The following SND1 variants were observed in gnomAD, a reference collection of about 807,000 sequenced individuals.
The protein encoded by SND1 is staphylococcal nuclease domain-containing protein 1.
SND1 carries 38 observed loss-of-function variants against 121.7 expected under a neutral mutation model. The observed-to-expected ratio is 0.31, with a 90% CI of 0.24 to 0.41. The LOEUF is 0.41. Ranked by LOEUF, SND1 falls within the 10% of genes least tolerant of loss-of-function variation. The pLI is 1.00. For missense variants in SND1, 868 were observed against 1,184.6 expected, an observed-to-expected ratio of 0.73 and a Z score of 3.92; for synonymous variants, 401 against 447.4, an observed-to-expected ratio of 0.90 and a Z score of 1.31.
chr7:127,797,188 C>T (rs923574861), intron 10 of SND1, among the ~76,000 whole-genome samples: 2 of 152,066 alleles, frequency 1.3e-5, no homozygotes, highest in African/African-American at 2.4e-5. Flanking sequence ...CCGCTGTGCC[C>T]GGGCTATTTT....
intron 10 of SND1, among the ~76,000 whole-genome samples, chr7:127,781,068 A>G (rs1038546195): frequency 1.7e-4 from 26 of 152,204 alleles, no homozygotes; most frequent in Non-Finnish European, 2.8e-4. Context: ...ATATATGGGA[A>G]CATATTTCTG....
rs746168687 is a variant in SND1 at position 128,074,485 on chromosome 7, C to T, written c.1780-17C>T. 2.5e-6 allele frequency: 4 copies of T among 1,603,198 alleles called. No homozygotes were observed. In the Admixed American group the frequency reaches 5.0e-5, roughly 20 times the overall value. On this transcript the variant is annotated splice_polypyrimidine_tract_variant and intron_variant, in intron 16 of 23. Coordinates refer to ENST00000354725, the MANE Select transcript of SND1 (RefSeq NM_014390.4). ...AGGCCTGGCCCCCACAGGCTTACGC[C>T]TGTCTCTCTGTCCCAGGTGGAGGTG...
At chr7:127,719,564 T>C (rs911044542) in intron 9 of SND1, among the ~76,000 whole-genome samples, 2 of 152,202 alleles carry the variant, frequency 1.3e-5, no homozygotes, top group Non-Finnish European at 2.9e-5. Flanking sequence ...TGGGTTTTAG[T>C]GTTTAGCCTA....
At chr7:127,907,057 G>A (rs2116770038) in intron 14 of SND1, among the ~76,000 whole-genome samples, 2 of 152,224 alleles carry the variant, frequency 1.3e-5, no homozygotes, top group Middle Eastern at 6.8e-3. Flanking sequence ...ATTTCTCTCA[G>A]TCACCACATA....
chr7:127,800,466 T>C (rs1267385890), intron 10 of SND1, among the ~76,000 whole-genome samples: 1 of 152,192 alleles, frequency 6.6e-6, no homozygotes, highest in Non-Finnish European at 1.5e-5. Context: ...GTATCCTTTT[T>C]TTGAGGAAAT....
At chr7:127,842,625 A>G (rs1229998195) in intron 11 of SND1, among the ~76,000 whole-genome samples, 2 of 152,142 alleles carry the variant, frequency 1.3e-5, no homozygotes, top group Non-Finnish European at 2.9e-5. Context: ...TGTGAAACCA[A>G]TTCCAAGCAT....
chr7:127,699,916 T>C (rs1003041993), intron 4 of SND1, among the ~76,000 whole-genome samples: 3 of 152,206 alleles, frequency 2.0e-5, no homozygotes, highest in African/African-American at 7.2e-5. Flanking sequence ...TTCACAGACA[T>C]AGGGGCCAGG....
At chr7:127,863,740 G>T (rs868324243) in intron 12 of SND1, among the ~76,000 whole-genome samples, 2 of 152,122 alleles carry the variant, frequency 1.3e-5, no homozygotes, top group Non-Finnish European at 2.9e-5. Flanking sequence ...TCTTCAAAGG[G>T]CCAGATGGTA....
intron 15 of SND1, among the ~76,000 whole-genome samples, chr7:127,975,424 CGTGTGTGTGT>C (rs66757341): frequency 0.39 from 56,965 of 147,420 alleles, 11,164 homozygotes; most frequent in African/African-American, 0.43. Context: ...TGACTCCCCT[CGTGTGTGTGT>C]GTGTGTGTGT....
chr7:127,741,973 G>C (rs2116436242), intron 10 of SND1, among the ~76,000 whole-genome samples: 1 of 152,248 alleles, frequency 6.6e-6, no homozygotes, highest in East Asian at 1.9e-4. Context: ...AGGTTGGACA[G>C]TTTCCCAGAA....
intron 15 of SND1, among the ~76,000 whole-genome samples, chr7:127,986,312 T>C (rs931448564): frequency 2.0e-5 from 3 of 152,250 alleles, no homozygotes; most frequent in South Asian, 2.1e-4. Context: ...AATAGAATGA[T>C]TGCTCCATAG....
At chr7:128,077,857 A>G (rs978080422) in intron 17 of SND1, among the ~76,000 whole-genome samples, 1 of 152,260 alleles carries the variant, frequency 6.6e-6, no homozygotes, top group East Asian at 1.9e-4. Flanking sequence ...CAGCTCCTCC[A>G]TCTTTCAAGA....
At chr7:127,766,156 C>G (rs535903810) in intron 10 of SND1, among the ~76,000 whole-genome samples, 265 of 152,298 alleles carry the variant, frequency 1.7e-3, no homozygotes, top group African/African-American at 6.1e-3. Flanking sequence ...ACACTCCTCC[C>G]CTTTGGAAGA....
intron 15 of SND1, among the ~76,000 whole-genome samples, chr7:127,959,516 T>C (rs1176835344): frequency 2.6e-5 from 4 of 152,234 alleles, no homozygotes; most frequent in African/African-American, 9.6e-5. Flanking sequence ...CCCACTTCAC[T>C]GCCTCTACTC....
At chr7:127,785,346 T>C (rs1563012501) in intron 10 of SND1, among the ~76,000 whole-genome samples, 1 of 152,216 alleles carries the variant, frequency 6.6e-6, no homozygotes, top group Non-Finnish European at 1.5e-5. Flanking sequence ...GCTTGAGTTT[T>C]GTGGGATGAT....
At chr7:128,090,489 G>A (rs1793760109) in intron 22 of SND1, among the ~76,000 whole-genome samples, 1 of 152,156 alleles carries the variant, frequency 6.6e-6, no homozygotes, top group Non-Finnish European at 1.5e-5. Flanking sequence ...ATCCAAGAGG[G>A]CCAGACTTGG....
intron 16 of SND1, among the ~76,000 whole-genome samples, chr7:128,041,284 A>G (rs1792849482): frequency 6.6e-6 from 1 of 152,162 alleles, no homozygotes; most frequent in Admixed American, 6.5e-5. Flanking sequence ...AATAATAATA[A>G]TAACAATTTA....
chr7:127,888,872 T>C (rs928076824), intron 13 of SND1, among the ~76,000 whole-genome samples: 1 of 152,172 alleles, frequency 6.6e-6, no homozygotes, highest in African/African-American at 2.4e-5. Context: ...GGTTATTTTC[T>C]ATAGTTAGAG....
intron 10 of SND1, among the ~76,000 whole-genome samples, chr7:127,770,912 A>G (rs1797501715): frequency 6.6e-6 from 1 of 152,340 alleles, no homozygotes. Flanking sequence ...CCAAAAAGCA[A>G]GAGAGTGTGC....
Sources: allele counts gnomAD v4.1 joint callset (sites outside exome capture counted in the v4.1 genomes callset), GRCh38; gene constraint gnomAD v4.1.1; transcripts MANE v1.5; gene names NCBI Gene and HGNC (gene_info 2026-07-23, HGNC 2026-07-21).